The following ZNF438 variants were observed in gnomAD, a reference collection of about 807,000 sequenced individuals.
ZNF438 encodes the protein zinc finger protein 438.
A neutral mutation model predicts 38.0 loss-of-function variants in ZNF438; 25 were observed. That is an observed-to-expected ratio of 0.66 (90% CI 0.48 to 0.92). ZNF438 has a LOEUF of 0.92. Ranked by LOEUF, ZNF438 falls within the 40% of genes least tolerant of loss-of-function variation. The pLI is 0.00. For synonymous variants in ZNF438, 372 were observed against 364.1 expected (o/e 1.02, Z -0.25); for missense variants, 1,007 against 999.6 (o/e 1.01, Z -0.10).
In ZNF438 at chr10:30,947,020, G is replaced by A. The variant is rs961063085; in HGVS notation, c.-191-5369C>T. 4.6e-5 allele frequency among the ~76,000 whole-genome samples: 7 copies of A among 152,108 alleles called. No individual in the cohort carries two copies. The East Asian group carries it at 1.2e-3, about 25-fold the overall frequency. ...AAAATTTATCTATTTCCTCCTTCCT[G>A]TCTTTTGTGCTACTGTCATCATAAT... On this transcript the variant is annotated intron_variant, in intron 1 of 5. Coordinates refer to ENST00000413025, the Ensembl canonical transcript of ZNF438.
At chr10:31,014,928 G>T (rs1589728758) in intron 1 of ZNF438, among the ~76,000 whole-genome samples, 1 of 152,018 alleles carries the variant, frequency 6.6e-6, no homozygotes, top group South Asian at 2.1e-4. Context: ...GAGTACAGTG[G>T]TGTGATCATA....
intron 1 of ZNF438, among the ~76,000 whole-genome samples, chr10:30,961,218 C>A (rs150400163): frequency 0.093 from 12,785 of 137,038 alleles, 1,979 homozygotes; most frequent in Non-Finnish European, 0.13. Context: ...GCACATGTAC[C>A]CTAAAACTTA....
exon 6 of ZNF438, chr10:30,844,943 C>T: frequency 6.2e-7 from 1 of 1,608,424 alleles, no homozygotes; most frequent in Non-Finnish European, 8.5e-7. Context: ...CTCCTTAACC[C>T]CAGGCTGCCT....
intron 1 of ZNF438, among the ~76,000 whole-genome samples, chr10:31,003,241 T>C (rs1232140864): frequency 1.3e-5 from 2 of 152,186 alleles, no homozygotes; most frequent in African/African-American, 2.4e-5. Flanking sequence ...CCCAAGATGA[T>C]GTGCTTCCTA....
At chr10:30,990,774 G>T (rs113646469) in intron 1 of ZNF438, among the ~76,000 whole-genome samples, 1 of 151,934 alleles carries the variant, frequency 6.6e-6, no homozygotes, top group Admixed American at 6.6e-5. Flanking sequence ...CAGGTAAACT[G>T]TATGAAACTT....
intron 4 of ZNF438, among the ~76,000 whole-genome samples, chr10:30,850,687 T>C (rs756251096): frequency 3.2e-4 from 49 of 152,246 alleles, no homozygotes; most frequent in Non-Finnish European, 5.7e-4. Context: ...CTCATCCATG[T>C]ATTCTGCAAG....
intron 3 of ZNF438, among the ~76,000 whole-genome samples, chr10:30,901,871 G>C (rs1264212928): frequency 6.6e-6 from 1 of 152,152 alleles, no homozygotes; most frequent in South Asian, 2.1e-4. Flanking sequence ...TCTTCTTTCT[G>C]GTGGGTTCAT....
chr10:30,927,170 C>T (rs1471730514), intron 2 of ZNF438, among the ~76,000 whole-genome samples: 1 of 152,194 alleles, frequency 6.6e-6, no homozygotes, highest in Non-Finnish European at 1.5e-5. Flanking sequence ...CACTCCAATG[C>T]TAGCACATGT....
rs148851080 is a variant in ZNF438, at chr10:31,026,811, A to G, written c.-192+5022T>C. Among the ~76,000 whole-genome samples, 1,456 of 152,280 alleles carry G rather than the reference A, an allele frequency of 9.6e-3. 13 individuals are homozygous for G. The highest frequency in any genetic ancestry group is 0.015 in the Non-Finnish European group (1,029 of 68,030). On this transcript the variant is annotated intron_variant, in intron 1 of 5. Transcript: ENST00000413025. Reference sequence around the variant, plus strand: ...GCACACGTATGTTTATTGTGGCACTATTCACAATAGCAAAGACTTGGAACC... The same window carrying G: ...GCACACGTATGTTTATTGTGGCACTGTTCACAATAGCAAAGACTTGGAACC...
At chr10:30,906,812 C>G (rs1470327026) in intron 3 of ZNF438, among the ~76,000 whole-genome samples, 1 of 152,130 alleles carries the variant, frequency 6.6e-6, no homozygotes, top group Non-Finnish European at 1.5e-5. Flanking sequence ...TTTTCTGTGT[C>G]TATTATCATG....
chr10:30,906,207 A>C lies in ZNF438; in HGVS notation c.-32+2726T>G, dbSNP rs148342676. ...AATTCAAAGACACAGATGTCTTTCC[A>C]CTTATTTAGGTATTTAATTTTTCAC... is the stretch of plus-strand genomic sequence containing the variant. On this transcript the variant is annotated intron_variant, in intron 3 of 5. Transcript: ENST00000413025. Among the ~76,000 whole-genome samples, 374 of 152,276 alleles carry C rather than the reference A, an allele frequency of 2.5e-3. 1 individual carries two copies. The highest frequency in any genetic ancestry group is 8.4e-3 in the African/African-American group (351 of 41,562).
intron 1 of ZNF438, among the ~76,000 whole-genome samples, chr10:30,957,076 T>C (rs563650172): frequency 1.1e-4 from 17 of 152,330 alleles, no homozygotes; most frequent in South Asian, 4.1e-4. Flanking sequence ...TTTTTGGTAA[T>C]AGCCATTCTA....
At chr10:30,986,201 G>A (rs2052768467) in intron 1 of ZNF438, among the ~76,000 whole-genome samples, 1 of 152,136 alleles carries the variant, frequency 6.6e-6, no homozygotes, top group South Asian at 2.1e-4. Flanking sequence ...CTGTTGTTAA[G>A]CAATGTATGG....
chr10:30,851,966 C>T (rs2033715539), intron 4 of ZNF438, among the ~76,000 whole-genome samples: 1 of 151,848 alleles, frequency 6.6e-6, no homozygotes, highest in African/African-American at 2.4e-5. Context: ...TGAAACCAAC[C>T]TGGCCACGTG....
exon 5 of ZNF438, chr10:30,849,690 T>C: frequency 6.2e-7 from 1 of 1,614,206 alleles, no homozygotes; most frequent in Non-Finnish European, 8.5e-7. Context: ...AAGTGTGCTT[T>C]CCCTGAAAGA....
chr10:30,849,063 C>A (rs1277581406), exon 5 of ZNF438: 1 of 1,614,038 alleles, frequency 6.2e-7, no homozygotes, highest in South Asian at 1.1e-5. Flanking sequence ...GCCAGGGAGG[C>A]CAAAGTGGGT....
rs78208471 is a variant in ZNF438, at chr10:30,875,219, G to C, written c.37+1779C>G. ...TGATAGCCCAGAGAGGTAGGCATCA[G>C]AACAAAACAAACTGTGATGAGAAGC... On this transcript the variant is annotated intron_variant, in intron 4 of 5. Coordinates refer to ENST00000413025, the Ensembl canonical transcript of ZNF438. The C allele has an allele frequency of 1.3e-3, 1,254 of 980,414 alleles. 18 individuals carry two copies. The African/African-American group carries it at 0.021, about 16-fold the overall frequency. The allele number at this position is 980,414 out of a possible 1,614,324, so 60.7% of individuals were successfully genotyped here.
At chr10:30,991,298 T>C (rs75471752) in intron 1 of ZNF438, among the ~76,000 whole-genome samples, 5,356 of 152,274 alleles carry the variant, frequency 0.035, 305 homozygotes, top group African/African-American at 0.12. Flanking sequence ...GTAGAGTTTC[T>C]ATTCTGTAGA....
intron 1 of ZNF438, among the ~76,000 whole-genome samples, chr10:31,020,184 T>C (rs1397864418): frequency 1.3e-5 from 2 of 152,184 alleles, no homozygotes; most frequent in African/African-American, 4.8e-5. Flanking sequence ...GAATCAATTT[T>C]TTCCTAGGAA....
Sources: allele counts gnomAD v4.1 joint callset (sites outside exome capture counted in the v4.1 genomes callset), GRCh38; gene constraint gnomAD v4.1.1; transcripts MANE v1.5; gene names NCBI Gene and HGNC (gene_info 2026-07-23, HGNC 2026-07-21).